Variants in MRPL1 observed in about 807,000 individuals in gnomAD.
MRPL1 encodes the protein mitochondrial ribosomal protein L1, also known as large ribosomal subunit protein uL1m.
Under a neutral mutation model 38.0 loss-of-function variants are expected in MRPL1, and 28 were observed. That is an observed-to-expected ratio of 0.74 (90% CI 0.55 to 1.01). The LOEUF (loss-of-function observed/expected upper bound fraction) is 1.01. MRPL1 is among the 50% of genes least tolerant of loss of function. MRPL1 has a pLI of 0.00. For synonymous variants in MRPL1, 123 were observed against 126.7 expected (o/e 0.97, Z 0.20); for missense variants, 358 against 389.8 (o/e 0.92, Z 0.69).
At chr4:77,929,088 C>A (rs538457304) in intron 7 of MRPL1, among the ~76,000 whole-genome samples, 1 of 152,296 alleles carries the variant, frequency 6.6e-6, no homozygotes, top group South Asian at 2.1e-4. Flanking sequence ...CCCTTGCCAG[C>A]CACTTTGCTG....
At chr4:77,914,064 A>C (rs995505442) in intron 7 of MRPL1, among the ~76,000 whole-genome samples, 3 of 152,208 alleles carry the variant, frequency 2.0e-5, no homozygotes, top group African/African-American at 7.2e-5. Context: ...GTGTGTATAC[A>C]TAAGTCAAAG....
Position 77,949,887 on chromosome 4 carries a change from T to A in MRPL1, c.859+9T>A, listed in dbSNP as rs1440072450. 6.3e-7 allele frequency: 1 copy of A among 1,593,808 alleles called. No homozygotes were observed. The highest frequency in any genetic ancestry group is 8.6e-7 in the Non-Finnish European group (1 of 1,165,376). ...CAGACCGCTGAATTTGGGTAAGTGG[T>A]TTGCTGAGGGTAGACTTCCCTATGA... On this transcript the variant is annotated intron_variant, in intron 8 of 8. Transcript: ENST00000315567.
chr4:77,911,338 C>T (rs909790336), intron 7 of MRPL1, among the ~76,000 whole-genome samples: 3 of 152,008 alleles, frequency 2.0e-5, no homozygotes, highest in Admixed American at 6.5e-5. Context: ...ACCATGACAT[C>T]GCATTCATTT....
chr4:77,867,804 T>TAGAG (rs1735183426), intron 1 of MRPL1, among the ~76,000 whole-genome samples: 1 of 140,914 alleles, frequency 7.1e-6, no homozygotes. Flanking sequence ...TCGACCAGGC[T>TAGAG]AGAGGGCAGT....
chr4:77,939,772 A>C (rs1737074432), intron 7 of MRPL1, among the ~76,000 whole-genome samples: 1 of 152,156 alleles, frequency 6.6e-6, no homozygotes, highest in South Asian at 2.1e-4. Flanking sequence ...CTTGCCAGTT[A>C]TCCCAGCACT....
chr4:77,907,440 C>T (rs772300402), intron 6 of MRPL1, among the ~76,000 whole-genome samples: 5 of 151,932 alleles, frequency 3.3e-5, no homozygotes, highest in East Asian at 1.9e-4. Context: ...TAAATTGTTT[C>T]AGTTTTTAAT....
chr4:77,886,351 T>C (rs916237558), intron 4 of MRPL1, among the ~76,000 whole-genome samples: 1 of 151,994 alleles, frequency 6.6e-6, no homozygotes, highest in African/African-American at 2.4e-5. Flanking sequence ...TTTTTTTCTT[T>C]GAGATGGAGT....
rs773663338 is a variant in MRPL1, at chr4:77,885,262, G to C, written c.409G>C (p.Val137Leu). 6.2e-7 allele frequency: 1 copy of C among 1,612,182 alleles called. No individual in the cohort carries two copies. The highest frequency in any genetic ancestry group is 8.5e-7 in the Non-Finnish European group (1 of 1,178,270). ...TTCCTTGTCATGTGTTTAGAAAAAC[G>C]TGGAGCCATTTACCAGTGTTCTTAG... ...LDMALGKKKN[V>L]EPFTSVLSLP... Residue 137 changes from valine (V) to leucine (L), a missense_variant, in exon 4 of 9, where the codon GTG becomes CTG. By Grantham distance (32) the Val-to-Leu change is conservative. Transcript: ENST00000315567.
At chr4:77,907,765 T>C (rs1305494950) in intron 6 of MRPL1, among the ~76,000 whole-genome samples, 1 of 152,128 alleles carries the variant, frequency 6.6e-6, no homozygotes, top group Non-Finnish European at 1.5e-5. Context: ...GGTTTCGCCG[T>C]GTTGGCCAGG....
In MRPL1 at chr4:77,894,129, TA is replaced by T; in HGVS notation, c.559-8del. 4 of 1,526,424 alleles carry T rather than the reference TA, an allele frequency of 2.6e-6. No individual in the cohort carries two copies. The highest frequency in any genetic ancestry group is 3.7e-5 in the Admixed American group (2 of 54,548). The allele number at this position is 1,526,424 out of a possible 1,614,324, so 94.6% of individuals were successfully genotyped here. On this transcript the variant is annotated splice_polypyrimidine_tract_variant and intron_variant, in intron 5 of 8. Transcript: ENST00000315567. The stretch of plus-strand genomic sequence containing the variant: ...TCATCTGAGGTCACCTTTTTTTTTT[TA>T]ATTTTCAGATTTGGGATGATGAAAT...
At chr4:77,925,321 T>G (rs1301378651) in intron 7 of MRPL1, among the ~76,000 whole-genome samples, 1 of 151,734 alleles carries the variant, frequency 6.6e-6, no homozygotes, top group Non-Finnish European at 1.5e-5. Context: ...TTTATAGAGA[T>G]ATAATTAAGT....
chr4:77,948,336 C>A (rs1737321585), intron 7 of MRPL1, among the ~76,000 whole-genome samples: 1 of 152,060 alleles, frequency 6.6e-6, no homozygotes, highest in African/African-American at 2.4e-5. Context: ...ATGCCTTTAG[C>A]CTTTTCTTTT....
intron 2 of MRPL1, among the ~76,000 whole-genome samples, chr4:77,881,975 C>G (rs536449761): frequency 2.0e-5 from 3 of 152,136 alleles, no homozygotes; most frequent in Non-Finnish European, 4.4e-5. Flanking sequence ...AGGATGCCCC[C>G]CTATGCTCTG....
chr4:77,941,000 C>T (rs1737112883), intron 7 of MRPL1, among the ~76,000 whole-genome samples: 3 of 152,004 alleles, frequency 2.0e-5, no homozygotes, highest in African/African-American at 7.2e-5. Flanking sequence ...TCAATCCTAG[C>T]GGTGCCTGTA....
intron 5 of MRPL1, among the ~76,000 whole-genome samples, chr4:77,889,857 C>T (rs868051692): frequency 1.2e-4 from 19 of 152,190 alleles, no homozygotes; most frequent in Non-Finnish European, 1.3e-4. Flanking sequence ...AATACCTCTA[C>T]GCAAATAAAC....
chr4:77,902,354 T>C (rs925339302), intron 6 of MRPL1, among the ~76,000 whole-genome samples: 6 of 140,352 alleles, frequency 4.3e-5, no homozygotes, highest in Middle Eastern at 4.3e-3. Context: ...CACTGTACTC[T>C]AGCCAGGGCA....
intron 8 of MRPL1, 36 bp downstream of exon 8, chr4:77,949,914 C>T (rs377446606): frequency 3.2e-6 from 4 of 1,258,794 alleles, no homozygotes; most frequent in Admixed American, 2.2e-5. Context: ...TCCCTATGAC[C>T]CTGTGAAACT....
At chr4:77,898,565 A>G (rs1163470974) in intron 6 of MRPL1, among the ~76,000 whole-genome samples, 3 of 151,536 alleles carry the variant, frequency 2.0e-5, no homozygotes, top group Non-Finnish European at 4.4e-5. Flanking sequence ...ATCTCGGCTC[A>G]CTGCAACCTC....
intron 8 of MRPL1, among the ~76,000 whole-genome samples, chr4:77,951,668 C>A (rs1054490706): frequency 6.6e-6 from 1 of 152,156 alleles, no homozygotes; most frequent in Non-Finnish European, 1.5e-5. Context: ...AGATTCCTGG[C>A]CAGAGCCACT....
Sources: gnomAD v4.1 joint callset for allele counts (sites outside exome capture counted in the v4.1 genomes callset) on GRCh38, gnomAD v4.1.1 for gene constraint, MANE v1.5 for transcripts, NCBI Gene and HGNC (gene_info 2026-07-23, HGNC 2026-07-21) for gene names.